Variants in PPFIA2 observed in about 807,000 individuals in gnomAD.
The protein encoded by PPFIA2 is PPFI scaffold protein A2, also known as liprin-alpha-2.
Under a neutral mutation model 175.5 loss-of-function variants are expected in PPFIA2, and 46 were observed. The ratio of observed to expected loss-of-function variants is 0.26; its 90% CI spans 0.21 to 0.34. PPFIA2 has a LOEUF of 0.34. PPFIA2 is among the 10% of genes least tolerant of loss of function. The pLI is 1.00. For missense variants in PPFIA2, 1,179 were observed against 1,506.1 expected, an observed-to-expected ratio of 0.78 and a Z score of 3.60; for synonymous variants, 568 against 511.4, an observed-to-expected ratio of 1.11 and a Z score of -1.49.
intron 7 of PPFIA2, among the ~76,000 whole-genome samples, chr12:81,434,348 T>C (rs2048616609): frequency 6.6e-6 from 1 of 152,064 alleles, no homozygotes; most frequent in Non-Finnish European, 1.5e-5. Context: ...AAAATAATCA[T>C]TATAATTGGG....
chr12:81,701,840 G>A (rs2076511686), intron 3 of PPFIA2, among the ~76,000 whole-genome samples: 1 of 145,950 alleles, frequency 6.9e-6, no homozygotes, highest in Non-Finnish European at 1.5e-5. Flanking sequence ...CAACTGTTCT[G>A]ATGAACCCCG....
Position 81,608,718 on chromosome 12 carries a change from C to T in PPFIA2, c.303+68073G>A, listed in dbSNP as rs183010517. 1.6e-3 allele frequency among the ~76,000 whole-genome samples: 242 copies of T among 151,678 alleles called. 1 individual carries two copies. The highest frequency in any genetic ancestry group is 2.7e-3 in the Non-Finnish European group (181 of 67,872). ...GCTAATATAGCTAGTAGTATGTCAA[C>T]CTTGCTTATTTTTTCAAAAAACAAG... On this transcript the variant is annotated intron_variant, in intron 4 of 32. Transcript: ENST00000549396.
chr12:81,276,737 C>T (rs1385929931), intron 28 of PPFIA2, among the ~76,000 whole-genome samples: 2 of 152,060 alleles, frequency 1.3e-5, no homozygotes, highest in Non-Finnish European at 2.9e-5. Context: ...TCAAATAAAA[C>T]ATTTTTCTGC....
intron 18 of PPFIA2, among the ~76,000 whole-genome samples, chr12:81,346,748 T>C (rs2059137666): frequency 6.6e-6 from 1 of 151,856 alleles, no homozygotes; most frequent in African/African-American, 2.4e-5. Context: ...GCAAGAAATT[T>C]ATGTTATATA....
chr12:81,518,596 C>T (rs934618900), intron 4 of PPFIA2, among the ~76,000 whole-genome samples: 1 of 152,144 alleles, frequency 6.6e-6, no homozygotes, highest in Admixed American at 6.5e-5. Context: ...GATAGTACAA[C>T]CCATCATGGT....
At chr12:81,380,233 C>T (rs1324616131) in intron 9 of PPFIA2, among the ~76,000 whole-genome samples, 2 of 152,070 alleles carry the variant, frequency 1.3e-5, no homozygotes, top group African/African-American at 2.4e-5. Flanking sequence ...GACATCGTGA[C>T]ATGTGCCCTG....
chr12:81,541,715 G>T (rs1004216285), intron 4 of PPFIA2, among the ~76,000 whole-genome samples: 8 of 152,022 alleles, frequency 5.3e-5, no homozygotes, highest in Non-Finnish European at 1.2e-4. Flanking sequence ...TGGCATTTTT[G>T]TGATCAGACT....
At chr12:81,300,434 T>C (rs1051550701) in intron 22 of PPFIA2, among the ~76,000 whole-genome samples, 1 of 152,190 alleles carries the variant, frequency 6.6e-6, no homozygotes, top group African/African-American at 2.4e-5. Context: ...ATCAATTAGT[T>C]ACTGTGGTAG....
At chr12:81,453,559 T>C (rs1414777684) in intron 5 of PPFIA2, among the ~76,000 whole-genome samples, 1 of 152,138 alleles carries the variant, frequency 6.6e-6, no homozygotes, top group East Asian at 1.9e-4. Flanking sequence ...ACAAATTTTG[T>C]TTCAATATTT....
chr12:81,655,947 G>C (rs1464401283), intron 4 of PPFIA2, among the ~76,000 whole-genome samples: 1 of 151,912 alleles, frequency 6.6e-6, no homozygotes, highest in Non-Finnish European at 1.5e-5. Flanking sequence ...TATGTTATTA[G>C]ATGTATAAAC....
At chr12:81,500,364 A>G (rs2060467452) in intron 4 of PPFIA2, among the ~76,000 whole-genome samples, 1 of 152,174 alleles carries the variant, frequency 6.6e-6, no homozygotes, top group Non-Finnish European at 1.5e-5. Context: ...AGTGCTTGGA[A>G]CACAAAAAAC....
At chr12:81,458,440 T>TA (rs2053968208) in intron 4 of PPFIA2, among the ~76,000 whole-genome samples, 1 of 152,144 alleles carries the variant, frequency 6.6e-6, no homozygotes, top group African/African-American at 2.4e-5. Context: ...TCAGTCTTTC[T>TA]AAAAGGTAAG....
intron 4 of PPFIA2, among the ~76,000 whole-genome samples, chr12:81,463,113 A>G (rs1207714310): frequency 6.6e-6 from 1 of 152,110 alleles, no homozygotes; most frequent in Non-Finnish European, 1.5e-5. Flanking sequence ...TGTATGATTT[A>G]AATATAGTAA....
At chr12:81,382,006 G>A (rs184158393) in intron 9 of PPFIA2, among the ~76,000 whole-genome samples, 6 of 152,062 alleles carry the variant, frequency 3.9e-5, no homozygotes, top group Admixed American at 2.0e-4. Flanking sequence ...AGATGTTTAC[G>A]AATAGTTGGG....
intron 4 of PPFIA2, among the ~76,000 whole-genome samples, chr12:81,642,606 T>TAC (rs1299832075): frequency 7.9e-6 from 1 of 127,152 alleles, no homozygotes; most frequent in Non-Finnish European, 1.6e-5. Flanking sequence ...AATATATATA[T>TAC]ACACACACAT....
At chr12:81,441,644 C>G (rs1345747728) in intron 6 of PPFIA2, among the ~76,000 whole-genome samples, 2 of 151,988 alleles carry the variant, frequency 1.3e-5, no homozygotes, top group Non-Finnish European at 2.9e-5. Flanking sequence ...ATTTTGAATA[C>G]ATGAAAAAGA....
intron 11 of PPFIA2, among the ~76,000 whole-genome samples, chr12:81,372,843 A>G (rs202049288): frequency 6.6e-6 from 1 of 151,682 alleles, no homozygotes; most frequent in East Asian, 1.9e-4. Flanking sequence ...AAGAATTCCA[A>G]TTTTCTGAAA....
In PPFIA2 at chr12:81,358,037, T is replaced by C. The variant is rs1184099063; in HGVS notation, c.1773+45A>G. 3.4e-6 allele frequency: 5 copies of C among 1,470,712 alleles called. No individual in the cohort carries two copies. The South Asian group carries it at 7.0e-5, about 21-fold the overall frequency. The allele number at this position is 1,470,712 out of a possible 1,614,324, so 91.1% of individuals were successfully genotyped here. On this transcript the variant is annotated intron_variant, in intron 16 of 32. Coordinates refer to ENST00000549396, the MANE Select transcript of PPFIA2 (RefSeq NM_003625.5). The stretch of plus-strand genomic sequence containing the variant: ...TAAAATTCTATCAAAAATGAAACTA[T>C]GTATTTAAATAAAACTAGAGAAGAG...
At chr12:81,663,865 A>G (rs2153553444) in intron 4 of PPFIA2, among the ~76,000 whole-genome samples, 1 of 152,344 alleles carries the variant, frequency 6.6e-6, no homozygotes, top group Admixed American at 6.5e-5. Flanking sequence ...AACAGAATAG[A>G]GCCCTCAGAA....
Sources: gnomAD v4.1 joint callset for allele counts (sites outside exome capture counted in the v4.1 genomes callset) on GRCh38, gnomAD v4.1.1 for gene constraint, MANE v1.5 for transcripts, NCBI Gene and HGNC (gene_info 2026-07-23, HGNC 2026-07-21) for gene names.